The following LACTB2 variants were observed in gnomAD, a reference collection of about 807,000 sequenced individuals.
LACTB2 encodes lactamase beta 2.
Under a neutral mutation model 34.8 loss-of-function variants are expected in LACTB2, and 32 were observed. That is an observed-to-expected ratio of 0.92 (90% confidence interval 0.69 to 1.24). The LOEUF (loss-of-function observed/expected upper bound fraction) is 1.24. LACTB2 is among the 50% of genes most tolerant of loss of function. The pLI is 0.00. For synonymous variants in LACTB2, 120 were observed against 117.5 expected (o/e 1.02, Z -0.14); for missense variants, 320 against 345.0 (o/e 0.93, Z 0.57).
In LACTB2 at chr8:70,644,148, C is replaced by T. The variant is rs756225953; in HGVS notation, c.509G>A (p.Gly170Glu). 1 of 1,613,066 alleles carries T rather than the reference C, an allele frequency of 6.2e-7. No homozygotes were observed. Among genetic ancestry groups the T allele is most frequent in the Non-Finnish European group, 8.5e-7 (1 of 1,179,418 alleles). Residue 170 changes from glycine (G) to glutamate (E), a missense_variant, in exon 4 of 7, where the codon GGA becomes GAA. Physicochemically the swap from Gly to Glu is moderately conservative, Grantham distance 98 (BLOSUM62 -2). Coordinates refer to ENST00000276590, the MANE Select transcript of LACTB2 (RefSeq NM_016027.3). ...IFSGDCILGE[G>E]TTVFEDLYDY... ...ATAGAGGTCTTCAAATACCGTTGTT[C>T]CTTCCCCTAGGATGCAATCTCCAGA... is the stretch of plus-strand genomic sequence containing the variant.
At chr8:70,645,845 T>C (rs979600718) in intron 3 of LACTB2, among the ~76,000 whole-genome samples, 27 of 152,092 alleles carry the variant, frequency 1.8e-4, no homozygotes, top group Admixed American at 7.9e-4. Flanking sequence ...TATGGCTGCA[T>C]AGTATTCCAT....
At chr8:70,658,054 A>G (rs1421715504) in intron 2 of LACTB2, among the ~76,000 whole-genome samples, 172 bp from the exon 3 acceptor site, 1 of 152,258 alleles carries the variant, frequency 6.6e-6, no homozygotes, top group East Asian at 1.9e-4. Context: ...TAAATATTTC[A>G]TATCTTTCAA....
At position 70,637,795 on chromosome 8, in the gene LACTB2, C is replaced by A; in HGVS notation, c.*65G>T. The A allele has an allele frequency of 3.2e-6, 3 of 939,766 alleles. No homozygotes were observed. Among genetic ancestry groups the A allele is most frequent in the South Asian group, 1.8e-5 (1 of 55,444 alleles). 58.2% of individuals were successfully genotyped at this position (939,766 alleles called of 1,614,324 possible). On this transcript the variant is annotated 3_prime_UTR_variant, in exon 7 of 7. Transcript: ENST00000276590. ...ACTTTTATATTCTCTATAAAATAAC[C>A]TATAGTTAAGAAAACATACCATTCT...
intron 3 of LACTB2, among the ~76,000 whole-genome samples, chr8:70,650,750 A>G (rs1221143635): frequency 6.7e-6 from 1 of 148,622 alleles, no homozygotes. Context: ...AAAAAAAAAA[A>G]AAAAAAAAGA....
Position 70,669,112 on chromosome 8 carries a change from A to G in LACTB2, c.9T>C (p.Ala3=). The change falls in exon 1 of 7, where the codon GCT becomes GCC. Residue 3 remains alanine, a synonymous_variant. Transcript: ENST00000276590. ...ACAGCCGCTCGACGCGCTGCAGTAC[A>G]GCAGCCATTCCCGCCTCAGCCGCCC... MA[A]VLQRVERLSN... is the part of the protein sequence containing the mutation. 1.2e-6 allele frequency: 2 copies of G among 1,603,348 alleles called. No homozygotes were observed. Among genetic ancestry groups the G allele is most frequent in the Non-Finnish European group, 1.7e-6 (2 of 1,175,174 alleles).
At chr8:70,638,504 AT>A in intron 6 of LACTB2, 43 bp downstream of exon 6, 2 of 1,501,530 alleles carry the variant, frequency 1.3e-6, no homozygotes, top group Non-Finnish European at 1.8e-6. Flanking sequence ...CTGTAAAAAT[AT>A]TTTAAATGCT....
At chr8:70,661,713 T>G (rs1247924524) in intron 2 of LACTB2, 21 bp downstream of exon 2, 1 of 1,600,390 alleles carries the variant, frequency 6.2e-7, no homozygotes, top group Non-Finnish European at 8.5e-7. Context: ...TCAATGAGCT[T>G]AATGAATGTT....
chr8:70,668,359 G>A (rs1319144079), intron 1 of LACTB2, among the ~76,000 whole-genome samples: 1 of 152,164 alleles, frequency 6.6e-6, no homozygotes, highest in Non-Finnish European at 1.5e-5. Context: ...AAAACAGAAT[G>A]CAGCTAAACA....
At chr8:70,638,039 G>A in intron 6 of LACTB2, 136 bp from the exon 7 acceptor site, 1 of 468,130 alleles carries the variant, frequency 2.1e-6, no homozygotes, top group Non-Finnish European at 3.8e-6. Flanking sequence ...GGGTATTTTT[G>A]GTACATGTAA....
intron 2 of LACTB2, among the ~76,000 whole-genome samples, chr8:70,659,273 C>T (rs1002111190): frequency 3.3e-5 from 5 of 151,416 alleles, no homozygotes; most frequent in Non-Finnish European, 7.4e-5. Context: ...ATCAATATGG[C>T]GGCTGTGGGT....
chr8:70,650,541 C>G (rs529810884), intron 3 of LACTB2, among the ~76,000 whole-genome samples: 1 of 152,120 alleles, frequency 6.6e-6, no homozygotes, highest in South Asian at 2.1e-4. Context: ...ATCAGCCTGG[C>G]CAACATGGCG....
chr8:70,666,519 G>C (rs13279177), intron 1 of LACTB2, among the ~76,000 whole-genome samples: 170 of 152,300 alleles, frequency 1.1e-3, no homozygotes, highest in Non-Finnish European at 2.1e-3. Flanking sequence ...GGCTGGAGTG[G>C]GAGAGGTTTG....
intron 1 of LACTB2, among the ~76,000 whole-genome samples, chr8:70,666,451 G>A (rs1006395054): frequency 6.6e-5 from 10 of 152,302 alleles, no homozygotes; most frequent in African/African-American, 1.4e-4. Flanking sequence ...GAAAGCATGC[G>A]TGAAGGCCCT....
In LACTB2 at chr8:70,640,888, A is replaced by G; in HGVS notation, c.741+14T>C. 2 of 1,563,046 alleles carry G rather than the reference A, an allele frequency of 1.3e-6. No individual in the cohort carries two copies. The highest frequency in any genetic ancestry group is 2.0e-5 in the Admixed American group (1 of 49,602). On this transcript the variant is annotated intron_variant, in intron 5 of 6. Transcript: ENST00000276590. Reference sequence around the variant, plus strand: ...AATTTGTGGCTACATACAAATAAGAAAACTGAAAATTACCTTGTAAATAAT... The same window carrying G: ...AATTTGTGGCTACATACAAATAAGAGAACTGAAAATTACCTTGTAAATAAT...
At chr8:70,651,803 C>G (rs534988364) in intron 3 of LACTB2, 125 of 152,334 alleles carry the variant, frequency 8.2e-4, no homozygotes, top group African/African-American at 2.8e-3. Flanking sequence ...TTAAAATTCA[C>G]TTCACACAGG....
chr8:70,668,929 C>A (rs1818582091), intron 1 of LACTB2, 70 bp downstream of exon 1: 1 of 1,540,460 alleles, frequency 6.5e-7, no homozygotes, highest in Non-Finnish European at 8.8e-7. Flanking sequence ...GCCCGCGCAG[C>A]CGCGATCAGT....
intron 3 of LACTB2, among the ~76,000 whole-genome samples, chr8:70,644,902 C>G (rs570629023): frequency 6.6e-6 from 1 of 152,066 alleles, no homozygotes; most frequent in African/African-American, 2.4e-5. Context: ...AGAGGGAGAG[C>G]TTTTATTATT....
chr8:70,644,048 AT>A lies in LACTB2; in HGVS notation c.592+16del. On this transcript the variant is annotated intron_variant, in intron 4 of 6. Coordinates refer to ENST00000276590, the MANE Select transcript of LACTB2 (RefSeq NM_016027.3). Reference sequence around the variant, plus strand: ...TTTAAAAACATAAAAATATAAAAAAATTTAAAAATTACCCACCTGGATATAT... The same window carrying A: ...TTTAAAAACATAAAAATATAAAAAAATTAAAAATTACCCACCTGGATATAT... 6.7e-7 allele frequency: 1 copy of A among 1,491,892 alleles called. No individual in the cohort carries two copies. Among genetic ancestry groups the A allele is most frequent in the African/African-American group, 1.4e-5 (1 of 70,576 alleles). 92.4% of individuals were successfully genotyped at this position (1,491,892 alleles called of 1,614,324 possible).
chr8:70,660,465 G>T, intron 2 of LACTB2: 1 of 375,146 alleles, frequency 2.7e-6, no homozygotes, highest in Non-Finnish European at 5.3e-6. Context: ...GTGATATTGG[G>T]TGTGGTAGCT....
Sources: gnomAD v4.1 joint callset for allele counts (sites outside exome capture counted in the v4.1 genomes callset) on GRCh38, gnomAD v4.1.1 for gene constraint, MANE v1.5 for transcripts, NCBI Gene and HGNC (gene_info 2026-07-23, HGNC 2026-07-21) for gene names.